Variants in ZNF737 observed in about 807,000 individuals in gnomAD.
ZNF737 encodes the protein zinc finger protein 737, also known as zinc finger protein 102 (Y3).
A neutral mutation model predicts 11.7 loss-of-function variants in ZNF737; 13 were observed. That is an observed-to-expected ratio of 1.11 (90% CI 0.73 to 1.77). The LOEUF (loss-of-function observed/expected upper bound fraction) is 1.77. Among genes scored for constraint, ZNF737 ranks in the 40% most tolerant of loss-of-function variants. The pLI, the probability that ZNF737 is intolerant of heterozygous loss-of-function variation, is 0.00. For missense variants in ZNF737, 636 were observed against 638.0 expected (o/e 1.00, Z 0.03); for synonymous variants, 217 against 216.2 (o/e 1.00, Z -0.03).
In ZNF737 at chr19:20,541,372, C is replaced by T. The variant is rs1968199147; in HGVS notation, c.*3220G>A. 1 of 983,970 alleles carries T rather than the reference C, an allele frequency of 1.0e-6. No individual in the cohort carries two copies. The highest frequency in any genetic ancestry group is 1.2e-6 in the Non-Finnish European group (1 of 828,670). The allele number at this position is 983,970 out of a possible 1,614,324, so 61.0% of individuals were successfully genotyped here. On this transcript the variant is annotated 3_prime_UTR_variant, in exon 4 of 4. Transcript: ENST00000427401. ...AACTAAAAGTCTATGTGTTTGCAGG[C>T]AGAGACCACATGTTCAAGGAAAACT... is the stretch of plus-strand genomic sequence containing the variant.
chr19:20,560,817 G>A (rs78956503), intron 1 of ZNF737, among the ~76,000 whole-genome samples: 2,951 of 152,148 alleles, frequency 0.019, 96 homozygotes, highest in African/African-American at 0.065. Context: ...AAATACTGTA[G>A]AAACAGAAAA....
chr19:20,564,740 T>A lies in ZNF737; in HGVS notation c.3+898A>T, dbSNP rs545704745. On this transcript the variant is annotated intron_variant, in intron 1 of 3. Coordinates refer to ENST00000427401, the MANE Select transcript of ZNF737 (RefSeq NM_001159293.2). Reference sequence around the variant, plus strand: ...CACATGTGGAAAATGCCAGGGAAAATCAGTCCGCTGTGGCGTGTGAAAATA... The same window carrying A: ...CACATGTGGAAAATGCCAGGGAAAAACAGTCCGCTGTGGCGTGTGAAAATA... Among the ~76,000 whole-genome samples the A allele has an allele frequency of 5.3e-5, 8 of 151,740 alleles. No individual in the cohort carries two copies. The East Asian group carries it at 1.2e-3, about 22-fold the overall frequency.
chr19:20,557,441 C>CT (rs1968929141), intron 1 of ZNF737, among the ~76,000 whole-genome samples: 1 of 146,518 alleles, frequency 6.8e-6, no homozygotes, highest in African/African-American at 2.5e-5. Flanking sequence ...ATTCTGCTCT[C>CT]TATGTCACTG....
downstream of ZNF737, among the ~76,000 whole-genome samples, chr19:20,532,594 C>G (rs1967856962): frequency 7.7e-6 from 1 of 129,116 alleles, no homozygotes; most frequent in Non-Finnish European, 1.6e-5. Flanking sequence ...TCAAACCAAG[C>G]CACACACCAT....
chr19:20,556,062 T>C (rs1410278323), intron 1 of ZNF737, among the ~76,000 whole-genome samples: 1 of 151,970 alleles, frequency 6.6e-6, no homozygotes, highest in Non-Finnish European at 1.5e-5. Context: ...AAAATATAAG[T>C]TTCTCCTTTC....
rs1264932318 is a variant in ZNF737, at chr19:20,538,985, T to A, written c.*5607A>T. On this transcript the variant is annotated 3_prime_UTR_variant, in exon 4 of 4. Coordinates refer to ENST00000427401, the MANE Select transcript of ZNF737 (RefSeq NM_001159293.2). ...AGAAGAGCAATGTGTGTACATAATG[T>A]GCATTTTCCTGCCTACCAAAATTAT... 2 of 985,274 alleles carry A rather than the reference T, an allele frequency of 2.0e-6. No individual in the cohort carries two copies. The highest frequency in any genetic ancestry group is 3.5e-5 in the African/African-American group (2 of 57,238). The allele number at this position is 985,274 out of a possible 1,614,324, so 61.0% of individuals were successfully genotyped here. A position where few individuals can be genotyped will look rare whatever the true frequency, so the allele number is the denominator to read the frequency against.
At chr19:20,559,287 A>T (rs1396274881) in intron 1 of ZNF737, among the ~76,000 whole-genome samples, 7 of 152,330 alleles carry the variant, frequency 4.6e-5, no homozygotes, top group Non-Finnish European at 1.5e-5. Context: ...TGCCTCTGAC[A>T]AAGGTCTAAT....
chr19:20,535,890 T>G, downstream of ZNF737: 1 of 167,942 alleles, frequency 6.0e-6, no homozygotes, highest in Non-Finnish European at 1.2e-5. Flanking sequence ...TAGAAGCAGA[T>G]GGTACAATAA....
chr19:20,553,621 A>G (rs1180569998), intron 2 of ZNF737, 88 bp downstream of exon 2: 6 of 1,346,446 alleles, frequency 4.5e-6, no homozygotes, highest in Admixed American at 2.3e-5. Context: ...CTCTTTTATA[A>G]AAGAATAAAT....
rs1555755118 is a variant in ZNF737 at position 20,541,624 on chromosome 19, C to T, written c.*2968G>A. On this transcript the variant is annotated 3_prime_UTR_variant, in exon 4 of 4. Coordinates refer to ENST00000427401, the MANE Select transcript of ZNF737 (RefSeq NM_001159293.2). ...TGTTTTTAGTAGAGACAAGGTTTCA[C>T]CACGTTGGCCAGGCTGGCCTTGAAC... Among the ~76,000 whole-genome samples the T allele has an allele frequency of 6.6e-6, 1 of 152,104 alleles. No homozygotes were observed. Among genetic ancestry groups the T allele is most frequent in the Non-Finnish European group, 1.5e-5 (1 of 68,032 alleles).
chr19:20,544,500 T>A lies in ZNF737; in HGVS notation c.*92A>T, dbSNP rs1334468255. The A allele has an allele frequency of 1.3e-6, 2 of 1,530,270 alleles. No individual in the cohort carries two copies. The highest frequency in any genetic ancestry group is 1.7e-6 in the Non-Finnish European group (2 of 1,145,760). 94.8% of individuals were successfully genotyped at this position (1,530,270 alleles called of 1,614,324 possible). A position where few individuals can be genotyped will look rare whatever the true frequency, so the allele number is the denominator to read the frequency against. On this transcript the variant is annotated 3_prime_UTR_variant, in exon 4 of 4. Coordinates refer to ENST00000427401, the MANE Select transcript of ZNF737 (RefSeq NM_001159293.2). Reference sequence around the variant, plus strand: ...GATGAAATAAAGGCTTTGCCACATTTATCACACTTGTACAGTTTCCCTCCA... The same window carrying A: ...GATGAAATAAAGGCTTTGCCACATTAATCACACTTGTACAGTTTCCCTCCA...
downstream of ZNF737, among the ~76,000 whole-genome samples, chr19:20,531,241 G>C (rs1423440002): frequency 4.9e-5 from 4 of 81,188 alleles, no homozygotes; most frequent in South Asian, 3.7e-4. Context: ...AGAGGGGAGA[G>C]GGGAGACGGG....
At chr19:20,557,960 G>A (rs1011766101) in intron 1 of ZNF737, among the ~76,000 whole-genome samples, 9 of 152,016 alleles carry the variant, frequency 5.9e-5, no homozygotes, top group African/African-American at 2.2e-4. Context: ...CATGTAGCAA[G>A]GTAAAAGAAA....
rs1205030886 is a variant in ZNF737 at position 20,539,703 on chromosome 19, T to G, written c.*4889A>C. ...ATTTATAAATTCATTGTTTTTAAGGTTTTTCAAATATGAAAACAGACAATT... is the reference window on the plus strand; with the variant it reads ...ATTTATAAATTCATTGTTTTTAAGGGTTTTCAAATATGAAAACAGACAATT... On this transcript the variant is annotated 3_prime_UTR_variant, in exon 4 of 4. Transcript: ENST00000427401. 1 of 969,746 alleles carries G rather than the reference T, an allele frequency of 1.0e-6. No individual in the cohort carries two copies. Among genetic ancestry groups the G allele is most frequent in the Non-Finnish European group, 1.2e-6 (1 of 815,864 alleles). The allele number at this position is 969,746 out of a possible 1,614,324, so 60.1% of individuals were successfully genotyped here.
chr19:20,537,624 C>T (rs1302296858), downstream of ZNF737, among the ~76,000 whole-genome samples: 1 of 136,108 alleles, frequency 7.3e-6, no homozygotes, highest in Non-Finnish European at 1.5e-5. Flanking sequence ...TCAAGTGATT[C>T]TTCTGCCTCA....
chr19:20,536,933 A>C (rs781829084), downstream of ZNF737, among the ~76,000 whole-genome samples: 70 of 150,394 alleles, frequency 4.7e-4, no homozygotes, highest in Non-Finnish European at 8.9e-4. Flanking sequence ...ACAAAGTAAG[A>C]CTCCTCTCAA....
At position 20,545,815 on chromosome 19, in the gene ZNF737, A is replaced by G. The variant is rs924471221; in HGVS notation, c.388T>C (p.Tyr130His). Residue 130 changes from tyrosine to histidine, a missense_variant, in exon 4 of 4, where the codon TAT (tyrosine) becomes CAT (histidine). Physicochemically the swap from Tyr to His is moderately conservative, Grantham distance 83 (BLOSUM62 2). Transcript: ENST00000427401. ...GTCAAATATTGGTTAAGTCCATTATAACCTCTTTTGTGCACCTTACACTCA... is the reference window on the plus strand; with the variant it reads ...GTCAAATATTGGTTAAGTCCATTATGACCTCTTTTGTGCACCTTACACTCA... ...VDECKVHKRG[Y>H]NGLNQYLTTT... The G allele has an allele frequency of 1.2e-6, 2 of 1,613,262 alleles. No individual in the cohort carries two copies. Among genetic ancestry groups the G allele is most frequent in the African/African-American group, 2.7e-5 (2 of 74,816 alleles).
At chr19:20,533,508 A>G (rs1227759883), downstream of ZNF737, among the ~76,000 whole-genome samples, 54 of 150,122 alleles carry the variant, frequency 3.6e-4, 6 homozygotes, top group African/African-American at 1.1e-3. Flanking sequence ...ATGTATACAT[A>G]TAATATTCTC....
rs1555754441 is a variant in ZNF737, at chr19:20,538,751, G to A, written c.*5841C>T. 1.4e-5 allele frequency: 14 copies of A among 985,224 alleles called. No individual in the cohort carries two copies. The highest frequency in any genetic ancestry group is 1.7e-5 in the Non-Finnish European group (14 of 829,926). The allele number at this position is 985,224 out of a possible 1,614,324, so 61.0% of individuals were successfully genotyped here. On this transcript the variant is annotated 3_prime_UTR_variant, in exon 4 of 4. Coordinates refer to ENST00000427401, the MANE Select transcript of ZNF737 (RefSeq NM_001159293.2). Reference sequence around the variant, plus strand: ...CACTGCACATCAATGCTTTCCACATGCACCCAATAGAGTCTTAATTTAATT... The same window carrying A: ...CACTGCACATCAATGCTTTCCACATACACCCAATAGAGTCTTAATTTAATT...
Sources: allele counts gnomAD v4.1 joint callset (sites outside exome capture counted in the v4.1 genomes callset), GRCh38; gene constraint gnomAD v4.1.1; transcripts MANE v1.5; gene names NCBI Gene and HGNC (gene_info 2026-07-23, HGNC 2026-07-21).